The following HUNK variants were observed in gnomAD, a reference collection of about 807,000 sequenced individuals.
The protein encoded by HUNK is hormonally up-regulated neu tumor-associated kinase.
A neutral mutation model predicts 61.0 loss-of-function variants in HUNK; 21 were observed. That is an observed-to-expected ratio of 0.34 (90% confidence interval 0.24 to 0.50). The LOEUF (loss-of-function observed/expected upper bound fraction) is 0.50, where lower values mean the gene tolerates loss of function less well. Ranked by LOEUF, HUNK falls within the 20% of genes least tolerant of loss-of-function variation. The pLI is 0.98. For synonymous variants in HUNK, 371 were observed against 386.1 expected, an observed-to-expected ratio of 0.96 and a Z score of 0.46; for missense variants, 772 against 945.7, an observed-to-expected ratio of 0.82 and a Z score of 2.41.
chr21:31,891,955 A>G (rs772213716), intron 1 of HUNK, among the ~76,000 whole-genome samples: 36 of 152,046 alleles, frequency 2.4e-4, no homozygotes, highest in Non-Finnish European at 4.3e-4. Flanking sequence ...AATCCGTTAC[A>G]TAATGATTTA....
chr21:31,974,230 G>T, intron 6 of HUNK: 1 of 185,360 alleles, frequency 5.4e-6, no homozygotes, highest in Non-Finnish European at 1.1e-5. Flanking sequence ...ATGGTATTGC[G>T]GTTCTGTGGG....
rs1417638458 is a variant in HUNK, at chr21:31,924,560, C to G, written c.354C>G (p.Ile118Met). Residue 118 changes from isoleucine (I) to methionine (M), a missense_variant, in exon 2 of 11, where the codon ATC becomes ATG. This residue lies in a region of HUNK where 359 missense variants were observed against 501.3 expected (regional missense o/e 0.72). Coordinates refer to ENST00000270112, the MANE Select transcript of HUNK (RefSeq NM_014586.2). The surrounding 1 kb of genome is among the most constrained non-coding windows in gnomAD (Gnocchi z 5.1). Reference protein sequence around the residue: ...LRREGQIQQMIRHPNITQLLD... With the variant: ...LRREGQIQQMMRHPNITQLLD... ...GAGAGGGTCAGATCCAGCAGATGAT[C>G]CGCCACCCCAATATCACTCAGCTCC... The G allele has an allele frequency of 2.2e-5, 36 of 1,614,190 alleles. No individual in the cohort carries two copies. Among genetic ancestry groups the G allele is most frequent in the Non-Finnish European group, 3.0e-5 (35 of 1,180,038 alleles).
At chr21:31,880,922 C>T (rs1190133371) in intron 1 of HUNK, among the ~76,000 whole-genome samples, 1 of 152,238 alleles carries the variant, frequency 6.6e-6, no homozygotes, top group Non-Finnish European at 1.5e-5. Context: ...AAAGCCCCTG[C>T]CCATGCCGTG....
At position 31,938,276 on chromosome 21, in the gene HUNK, C is replaced by G. The variant is rs193219084; in HGVS notation, c.555-1889C>G. On this transcript the variant is annotated intron_variant, in intron 2 of 10. Transcript: ENST00000270112. ...TGGGTCTTTCCCCCGCACCACTTCT[C>G]TGCCCTCACCTTCACAATCTCACGT... is the stretch of plus-strand genomic sequence containing the variant. Among the ~76,000 whole-genome samples the G allele has an allele frequency of 2.1e-3, 316 of 152,310 alleles. 1 individual carries two copies. The highest frequency in any genetic ancestry group is 0.011 in the South Asian group (54 of 4,828).
At chr21:31,899,134 C>T (rs886317665) in intron 1 of HUNK, among the ~76,000 whole-genome samples, 32 of 91,556 alleles carry the variant, frequency 3.5e-4, no homozygotes, top group African/African-American at 1.7e-3. Flanking sequence ...GCAACGACTT[C>T]CTGCTGCACT....
intron 1 of HUNK, among the ~76,000 whole-genome samples, chr21:31,911,932 A>AGC (rs2052548363): frequency 0.036 from 2 of 56 alleles, no homozygotes; most frequent in African/African-American, 0.077. Flanking sequence ...AGCAGGGACG[A>AGC]TAGTCACTGC....
intron 4 of HUNK, among the ~76,000 whole-genome samples, chr21:31,954,757 C>T (rs1258743027): frequency 6.6e-6 from 1 of 152,196 alleles, no homozygotes; most frequent in East Asian, 1.9e-4. Flanking sequence ...CAGTGGCATC[C>T]AGGAATGTGC....
chr21:31,993,101 G>T (rs953000662), intron 9 of HUNK, among the ~76,000 whole-genome samples: 5 of 152,092 alleles, frequency 3.3e-5, no homozygotes, highest in Non-Finnish European at 5.9e-5. Context: ...CTGTCTGGGG[G>T]TGCATTTTTC....
intron 8 of HUNK, among the ~76,000 whole-genome samples, chr21:31,986,967 G>C (rs1405074705): frequency 6.6e-6 from 1 of 152,168 alleles, no homozygotes; most frequent in Non-Finnish European, 1.5e-5. Flanking sequence ...TCTGGGCTGT[G>C]AGTTCCAGAA....
intron 9 of HUNK, among the ~76,000 whole-genome samples, chr21:31,993,761 T>C (rs892946135): frequency 2.0e-5 from 3 of 151,960 alleles, no homozygotes; most frequent in African/African-American, 7.3e-5. Flanking sequence ...CCGTGGAAAA[T>C]AGTGATTGTC....
chr21:31,947,160 C>G lies in HUNK; in HGVS notation c.746+989C>G, dbSNP rs112734504. 1.0e-3 allele frequency among the ~76,000 whole-genome samples: 153 copies of G among 151,444 alleles called. 1 individual carries two copies. The highest frequency in any genetic ancestry group is 3.5e-3 in the Middle Eastern group (1 of 288). ...CTCAAGCCATTGGCGCCTGCGCATT[C>G]CCACATCCCAGGCTCAAGCCAGTGG... On this transcript the variant is annotated intron_variant, in intron 4 of 10. Coordinates refer to ENST00000270112, the MANE Select transcript of HUNK (RefSeq NM_014586.2).
At position 31,983,616 on chromosome 21, in the gene HUNK, G is replaced by C; in HGVS notation, c.1257+7G>C. On this transcript the variant is annotated splice_region_variant and intron_variant, in intron 8 of 10. Transcript: ENST00000270112. ...CCCCAAGGAGTCCTATGAGGTGAGT[G>C]ACCCCTGAAGCAAACCTCAGGGTCT... 2 of 1,593,734 alleles carry C rather than the reference G, an allele frequency of 1.3e-6. No homozygotes were observed. The highest frequency in any genetic ancestry group is 1.7e-6 in the Non-Finnish European group (2 of 1,162,650).
intron 1 of HUNK, among the ~76,000 whole-genome samples, chr21:31,906,148 T>C (rs1458650414): frequency 6.6e-6 from 1 of 152,194 alleles, no homozygotes; most frequent in African/African-American, 2.4e-5. Context: ...GGCTCAGTTT[T>C]AGCTACAATT....
chr21:31,964,329 A>G (rs1000094066), intron 5 of HUNK, among the ~76,000 whole-genome samples: 2 of 152,142 alleles, frequency 1.3e-5, no homozygotes, highest in African/African-American at 2.4e-5. Context: ...AGGGGTCTCT[A>G]TTTGCATCTA....
chr21:31,955,689 G>T (rs1440041601), intron 4 of HUNK, among the ~76,000 whole-genome samples: 2 of 152,242 alleles, frequency 1.3e-5, no homozygotes, highest in African/African-American at 4.8e-5. Flanking sequence ...CTCTGGTTAT[G>T]CTTTGTGAAA....
intron 4 of HUNK, among the ~76,000 whole-genome samples, chr21:31,946,464 C>A (rs72613610): frequency 6.6e-6 from 1 of 152,054 alleles, no homozygotes; most frequent in Non-Finnish European, 1.5e-5. Context: ...GCCCCATCCT[C>A]CTGCCCTTAG....
At chr21:31,929,903 G>T (rs1193571433) in intron 2 of HUNK, among the ~76,000 whole-genome samples, 1 of 152,228 alleles carries the variant, frequency 6.6e-6, no homozygotes, top group African/African-American at 2.4e-5. Context: ...TGGTTAGGGG[G>T]TTAAGAAGTT....
At chr21:31,902,534 G>A (rs529659680) in intron 1 of HUNK, among the ~76,000 whole-genome samples, 4 of 152,146 alleles carry the variant, frequency 2.6e-5, no homozygotes, top group East Asian at 1.9e-4. Context: ...CTTCTTCCTC[G>A]TAGGGCTTGT....
At chr21:31,950,945 A>G (rs955707402) in intron 4 of HUNK, among the ~76,000 whole-genome samples, 1 of 152,188 alleles carries the variant, frequency 6.6e-6, no homozygotes, top group East Asian at 1.9e-4. Flanking sequence ...AGATAGATTT[A>G]GGAAGAAAAT....
Sources: allele counts gnomAD v4.1 joint callset (sites outside exome capture counted in the v4.1 genomes callset), GRCh38; gene constraint gnomAD v4.1.1; regional missense constraint gnomAD v4.1.1; non-coding constraint Gnocchi (gnomAD v3.1); transcripts MANE v1.5; gene names NCBI Gene and HGNC (gene_info 2026-07-23, HGNC 2026-07-21).